The following EFNA5 variants were observed in gnomAD, a reference collection of about 807,000 sequenced individuals.
EFNA5 encodes ephrin A5.
EFNA5 carries 5 observed loss-of-function variants against 22.9 expected under a neutral mutation model. The ratio of observed to expected loss-of-function variants is 0.22; its 90% CI spans 0.11 to 0.46. EFNA5 has a LOEUF of 0.46. Ranked by LOEUF, EFNA5 falls within the 20% of genes least tolerant of loss-of-function variation. The pLI is 0.99. For missense variants in EFNA5, 237 were observed against 293.3 expected (o/e 0.81, Z 1.40); for synonymous variants, 113 against 112.2 (o/e 1.01, Z -0.04).
chr5:107,460,161 C>T (rs152580), intron 1 of EFNA5, among the ~76,000 whole-genome samples: 84,655 of 151,956 alleles, frequency 0.56, 24,085 homozygotes, highest in South Asian at 0.69. Flanking sequence ...CCTCATTTAA[C>T]AATCTGTATT....
chr5:107,604,190 A>C, intron 1 of EFNA5, among the ~76,000 whole-genome samples: 1 of 152,198 alleles, frequency 6.6e-6, no homozygotes, highest in East Asian at 1.9e-4. Context: ...TTATTTATTT[A>C]TTTTTTAAGA....
intron 1 of EFNA5, among the ~76,000 whole-genome samples, chr5:107,554,712 T>C (rs1748370494): frequency 6.6e-6 from 1 of 152,220 alleles, no homozygotes; most frequent in Non-Finnish European, 1.5e-5. Flanking sequence ...TGCCAAATAC[T>C]GTGAGATCAA....
chr5:107,377,982 A>C lies in EFNA5; in HGVS notation c.*3273T>G, dbSNP rs535574842. ...ATTGGGTGGGCAATGACCACACATG[A>C]GTCCTGTATGGAGCAGTGTCTCAGC... On this transcript the variant is annotated 3_prime_UTR_variant, in exon 5 of 5. Coordinates refer to ENST00000333274, the MANE Select transcript of EFNA5 (RefSeq NM_001962.3). The C allele has an allele frequency of 6.6e-5, 10 of 152,254 alleles. No homozygotes were observed. The highest frequency in any genetic ancestry group is 6.2e-4 in the South Asian group (3 of 4,818). 9.4% of individuals were successfully genotyped at this position (152,254 alleles called of 1,614,324 possible).
intron 1 of EFNA5, among the ~76,000 whole-genome samples, chr5:107,437,896 C>T (rs887213378): frequency 6.6e-6 from 1 of 152,152 alleles, no homozygotes; most frequent in Non-Finnish European, 1.5e-5. Flanking sequence ...GACTGTTGTT[C>T]AAGCAATGCT....
chr5:107,660,043 G>A (rs1470060078), intron 1 of EFNA5, among the ~76,000 whole-genome samples: 1 of 151,430 alleles, frequency 6.6e-6, no homozygotes, highest in Non-Finnish European at 1.5e-5. Flanking sequence ...CCTCTGTCAT[G>A]TTGTCTTCCC....
intron 1 of EFNA5, among the ~76,000 whole-genome samples, chr5:107,643,138 C>T (rs920355193): frequency 1.3e-5 from 2 of 152,104 alleles, no homozygotes; most frequent in African/African-American, 4.8e-5. Flanking sequence ...ACGGATGCCC[C>T]TGCACCGGCT....
At chr5:107,546,301 G>C (rs1008776970) in intron 1 of EFNA5, among the ~76,000 whole-genome samples, 3 of 152,118 alleles carry the variant, frequency 2.0e-5, no homozygotes, top group African/African-American at 7.2e-5. Context: ...CAGCACATCT[G>C]CTCAGGTGCT....
At chr5:107,552,139 C>T (rs1222529220) in intron 1 of EFNA5, among the ~76,000 whole-genome samples, 1 of 152,038 alleles carries the variant, frequency 6.6e-6, no homozygotes, top group Non-Finnish European at 1.5e-5. Flanking sequence ...TTTACTGTGG[C>T]CCACAACACT....
intron 1 of EFNA5, among the ~76,000 whole-genome samples, chr5:107,450,063 G>A (rs1448087971): frequency 1.3e-5 from 2 of 152,170 alleles, no homozygotes; most frequent in Non-Finnish European, 2.9e-5. Flanking sequence ...CCTTGCAAAC[G>A]ATGGGTTATT....
intron 1 of EFNA5, among the ~76,000 whole-genome samples, chr5:107,561,938 G>C (rs1748554523): frequency 6.6e-6 from 1 of 152,056 alleles, no homozygotes; most frequent in African/African-American, 2.4e-5. Context: ...CAGTGTCACA[G>C]GGAAACGTAA....
At chr5:107,530,308 A>T (rs1747782809) in intron 1 of EFNA5, among the ~76,000 whole-genome samples, 2 of 152,192 alleles carry the variant, frequency 1.3e-5, no homozygotes, top group Admixed American at 1.3e-4. Context: ...ACTGCTTCTT[A>T]AAGCTCCTGC....
chr5:107,619,280 G>A (rs1749987892), intron 1 of EFNA5, among the ~76,000 whole-genome samples: 2 of 151,998 alleles, frequency 1.3e-5, no homozygotes, highest in South Asian at 2.1e-4. Context: ...ACAGCATTGA[G>A]AGAAACTGTT....
chr5:107,386,629 C>T (rs1033003291), intron 4 of EFNA5, among the ~76,000 whole-genome samples: 2 of 152,112 alleles, frequency 1.3e-5, no homozygotes, highest in Non-Finnish European at 2.9e-5. Context: ...GCTACTGGTA[C>T]ATTTGTGGCA....
intron 1 of EFNA5, among the ~76,000 whole-genome samples, chr5:107,558,410 T>C (rs1748469000): frequency 6.6e-6 from 1 of 152,198 alleles, no homozygotes; most frequent in Non-Finnish European, 1.5e-5. Context: ...TCATTAAAGA[T>C]TTCCAAAATA....
intron 1 of EFNA5, among the ~76,000 whole-genome samples, chr5:107,494,528 C>A (rs1271309585): frequency 6.6e-6 from 1 of 152,228 alleles, no homozygotes; most frequent in Non-Finnish European, 1.5e-5. Context: ...AGCCTCCCAC[C>A]CTCTGCTCCA....
chr5:107,428,088 T>A (rs565951589), intron 1 of EFNA5, among the ~76,000 whole-genome samples: 1 of 152,306 alleles, frequency 6.6e-6, no homozygotes, highest in South Asian at 2.1e-4. Flanking sequence ...ACTTCCATTT[T>A]AGAGAAAAAT....
chr5:107,582,650 T>C (rs971513705), intron 1 of EFNA5, among the ~76,000 whole-genome samples: 1 of 152,096 alleles, frequency 6.6e-6, no homozygotes, highest in Non-Finnish European at 1.5e-5. Flanking sequence ...TTCAAGCTAA[T>C]GTTTAAATGT....
At chr5:107,641,721 T>A (rs748603229) in intron 1 of EFNA5, among the ~76,000 whole-genome samples, 18 of 152,330 alleles carry the variant, frequency 1.2e-4, no homozygotes, top group Admixed American at 6.5e-4. Context: ...TTTTAAAGTA[T>A]AAATATGTAT....
At chr5:107,494,398 G>A (rs1166771544) in intron 1 of EFNA5, among the ~76,000 whole-genome samples, 1 of 152,238 alleles carries the variant, frequency 6.6e-6, no homozygotes, top group Admixed American at 6.5e-5. Context: ...GCCAGCGGCT[G>A]CGGAGGGTGT....
Sources: allele counts gnomAD v4.1 joint callset (sites outside exome capture counted in the v4.1 genomes callset), GRCh38; gene constraint gnomAD v4.1.1; transcripts MANE v1.5; gene names NCBI Gene and HGNC (gene_info 2026-07-23, HGNC 2026-07-21).